ITGA3: variants seen among roughly 807,000 people sequenced by gnomAD.
The protein encoded by ITGA3 is integrin alpha-3.
A neutral mutation model predicts 131.1 loss-of-function variants in ITGA3; 70 were observed. The observed-to-expected ratio is 0.53, with a 90% CI of 0.44 to 0.65. ITGA3 has a LOEUF of 0.65. Among genes scored for constraint, ITGA3 ranks in the 30% least tolerant of loss-of-function variants. ITGA3 has a pLI of 0.00. For synonymous variants in ITGA3, 537 were observed against 571.6 expected, an observed-to-expected ratio of 0.94 and a Z score of 0.86; for missense variants, 1,098 against 1,388.6, an observed-to-expected ratio of 0.79 and a Z score of 3.33.
rs562971995 is a variant in ITGA3 at position 50,073,632 on chromosome 17, A to G, written c.1157-284A>G. On this transcript the variant is annotated intron_variant, in intron 7 of 25. Coordinates refer to ENST00000320031, the MANE Select transcript of ITGA3 (RefSeq NM_002204.4). The stretch of plus-strand genomic sequence containing the variant: ...CACACACACACACACACACACACAC[A>G]CGCACACACGCACACACACTGAATG... Among the ~76,000 whole-genome samples the G allele has an allele frequency of 2.4e-3, 359 of 147,934 alleles. 2 individuals are homozygous for G. The highest frequency in any genetic ancestry group is 0.012 in the South Asian group (55 of 4,614).
At chr17:50,079,012 G>C (rs1418145419) in intron 19 of ITGA3, 64 bp from the exon 20 acceptor site, 1 of 1,540,708 alleles carries the variant, frequency 6.5e-7, no homozygotes, top group East Asian at 2.2e-5. Flanking sequence ...GGGAGGGTTG[G>C]GGGTTGGTAA....
At chr17:50,071,009 G>A (rs1908601242) in intron 5 of ITGA3, 79 bp downstream of exon 5, 2 of 947,266 alleles carry the variant, frequency 2.1e-6, no homozygotes, top group Non-Finnish European at 3.5e-6. Flanking sequence ...AGGCCAGAGT[G>A]CAGTTGTGAC....
Position 50,064,024 on chromosome 17 carries a change from C to T in ITGA3, c.207-53C>T, listed in dbSNP as rs535965227. 1 of 1,596,682 alleles carries T rather than the reference C, an allele frequency of 6.3e-7. No individual in the cohort carries two copies. Among genetic ancestry groups the T allele is most frequent in the Non-Finnish European group, 8.5e-7 (1 of 1,171,702 alleles). On this transcript the variant is annotated intron_variant, in intron 1 of 25. Coordinates refer to ENST00000320031, the MANE Select transcript of ITGA3 (RefSeq NM_002204.4). The surrounding 1 kb of genome is among the most constrained non-coding windows in gnomAD (Gnocchi z 4.4). ...ATGTTGAATAAATAACAAGTTGTTC[C>T]AAGTGGGGCTTGGGGAGTCTGAACC...
At chr17:50,074,030 CTG>C in intron 8 of ITGA3, 26 bp downstream of exon 8, 1 of 1,577,008 alleles carries the variant, frequency 6.3e-7, no homozygotes, top group Non-Finnish European at 8.7e-7. Context: ...GATGGGTCTG[CTG>C]CCCCCACCAG....
chr17:50,060,336 C>T lies in ITGA3; in HGVS notation c.206+3691C>T, dbSNP rs550372782. Among the ~76,000 whole-genome samples, 2 of 152,350 alleles carry T rather than the reference C, an allele frequency of 1.3e-5. 1 individual carries two copies. Among genetic ancestry groups the T allele is most frequent in the South Asian group, 4.1e-4 (2 of 4,834 alleles). On this transcript the variant is annotated intron_variant, in intron 1 of 25. Transcript: ENST00000320031. Reference sequence around the variant, plus strand: ...CTGGGAAGGTGAATCTTACAGGCTGCTTCTCTGAGCATTACCCCACCCCAG... The same window carrying T: ...CTGGGAAGGTGAATCTTACAGGCTGTTTCTCTGAGCATTACCCCACCCCAG...
At chr17:50,075,405 G>A in intron 10 of ITGA3, 54 bp from the exon 11 acceptor site, 3 of 1,574,812 alleles carry the variant, frequency 1.9e-6, no homozygotes, top group South Asian at 2.2e-5. Flanking sequence ...GAGAGCTAGG[G>A]CCTGGACGTG....
chr17:50,069,442 G>T (rs1434851776), intron 4 of ITGA3, among the ~76,000 whole-genome samples: 3 of 152,132 alleles, frequency 2.0e-5, no homozygotes, highest in Non-Finnish European at 4.4e-5. Flanking sequence ...GAGGTGGGAG[G>T]ATCACTTGAG....
At position 50,070,857 on chromosome 17, in the gene ITGA3, G is replaced by C. The variant is rs1314270953; in HGVS notation, c.678G>C (p.Met226Ile). The C allele has an allele frequency of 6.2e-7, 1 of 1,611,314 alleles. No homozygotes were observed. Among genetic ancestry groups the C allele is most frequent in the African/African-American group, 1.3e-5 (1 of 74,834 alleles). Reference sequence around the variant, plus strand: ...ATCCCTGTGAAGGAAACAGCTACATGATTCAGCGCAAGGAGTGGGACTTAT... The same window carrying C: ...ATCCCTGTGAAGGAAACAGCTACATCATTCAGCGCAAGGAGTGGGACTTAT... ...GAYNWKGNSY[M>I]IQRKEWDLSE... is the part of the protein sequence containing the mutation. The change falls in exon 5 of 26, where the codon ATG becomes ATC. Residue 226 changes from methionine to isoleucine, a missense_variant. Physicochemically the swap from Met to Ile is conservative, Grantham distance 10. This residue lies in a region of ITGA3 where 356 missense variants were observed against 529.2 expected (regional missense o/e 0.67). Transcript: ENST00000320031.
Position 50,069,127 on chromosome 17 carries a change from C to T in ITGA3, c.664+822C>T, listed in dbSNP as rs1408256027. On this transcript the variant is annotated intron_variant, in intron 4 of 25. Transcript: ENST00000320031. ...TCTCCCAAAGTACTGGGATTACAGG[C>T]GTGAGCCACCGCGCCCAGCCTAATC... 6.6e-5 allele frequency among the ~76,000 whole-genome samples: 10 copies of T among 151,942 alleles called. No homozygotes were observed. The South Asian group carries it at 8.3e-4, about 13-fold the overall frequency.
rs573906112 is a variant in ITGA3, at chr17:50,079,500, G to C, written c.2649G>C (p.Gln883His). ...RRRQLDPGGG[Q>H]GPPPVTLAAA... ...GACAGCTGGATCCAGGGGGAGGCCAGGGCCCCCCACCTGTCACTCTGGCTG... is the reference window on the plus strand; with the variant it reads ...GACAGCTGGATCCAGGGGGAGGCCACGGCCCCCCACCTGTCACTCTGGCTG... Residue 883 changes from glutamine (Q) to histidine (H), a missense_variant, in exon 21 of 26, where the codon CAG (glutamine) becomes CAC (histidine). Transcript: ENST00000320031. 2 of 1,580,262 alleles carry C rather than the reference G, an allele frequency of 1.3e-6. No individual in the cohort carries two copies. The highest frequency in any genetic ancestry group is 4.5e-5 in the East Asian group (2 of 44,518).
chr17:50,083,762 T>G (rs1225755106), intron 23 of ITGA3, among the ~76,000 whole-genome samples: 2 of 150,256 alleles, frequency 1.3e-5, no homozygotes, highest in Non-Finnish European at 3.0e-5. Context: ...GCAAATGATA[T>G]ACTGCTTTTT....
intron 3 of ITGA3, among the ~76,000 whole-genome samples, chr17:50,066,762 C>T (rs1002720890): frequency 6.6e-6 from 1 of 152,048 alleles, no homozygotes; most frequent in African/African-American, 2.4e-5. Context: ...GTGACAGAGT[C>T]AGATCCTGTC....
Position 50,079,246 on chromosome 17 carries a change from C to T in ITGA3, c.2571C>T (p.Asn857=), listed in dbSNP as rs764886540. 16 of 1,613,968 alleles carry T rather than the reference C, an allele frequency of 9.9e-6. No homozygotes were observed. In the South Asian group the frequency reaches 1.8e-4, roughly 18 times the overall value. The change falls in exon 20 of 26, where the codon AAC becomes AAT. Residue 857 remains asparagine, a synonymous_variant. Transcript: ENST00000320031. ...CTGGAGACCTTATCAACCCTCTCAA[C>T]CTCACTCTTTCTGTAAGGACACTAT... ...RPPGDLINPL[N]LTLSDPGDRP...
In ITGA3 at chr17:50,075,533, G is replaced by A. The variant is rs774733559; in HGVS notation, c.1537+7G>A. The stretch of plus-strand genomic sequence containing the variant: ...AACTACAGGCGAAACATCAGTGAGT[G>A]CTGGGGTGCAGCGTAAAAGGGGTAC... On this transcript the variant is annotated splice_region_variant and intron_variant, in intron 11 of 25. Coordinates refer to ENST00000320031, the MANE Select transcript of ITGA3 (RefSeq NM_002204.4). 6.2e-7 allele frequency: 1 copy of A among 1,614,242 alleles called. No homozygotes were observed. Among genetic ancestry groups the A allele is most frequent in the South Asian group, 1.1e-5 (1 of 91,090 alleles).
intron 21 of ITGA3, 140 bp downstream of exon 21, chr17:50,079,697 C>A: frequency 1.1e-6 from 1 of 939,454 alleles, no homozygotes; most frequent in Non-Finnish European, 1.4e-6. Flanking sequence ...CCAGACAGAG[C>A]AGGGAGCCTC....
intron 23 of ITGA3, among the ~76,000 whole-genome samples, chr17:50,084,914 TAAAAA>T (rs1021624332): frequency 1.3e-5 from 2 of 151,390 alleles, no homozygotes; most frequent in Non-Finnish European, 2.9e-5. Flanking sequence ...GACCCTGTCT[TAAAAA>T]GAAAAGAAAG....
chr17:50,066,985 C>G (rs1256002509), intron 3 of ITGA3, among the ~76,000 whole-genome samples: 1 of 152,180 alleles, frequency 6.6e-6, no homozygotes, highest in Non-Finnish European at 1.5e-5. Context: ...GTTTTAAGCT[C>G]CAGGTTGGCA....
In ITGA3 at chr17:50,060,544, C is replaced by T. The variant is rs1908028157; in HGVS notation, c.207-3533C>T. Among the ~76,000 whole-genome samples the T allele has an allele frequency of 3.3e-5, 5 of 152,264 alleles. No individual in the cohort carries two copies. In the South Asian group the frequency reaches 1.0e-3, roughly 32 times the overall value. ...AAGGGCTTTTTCGGAACTTGGAGCT[C>T]AAGGGGCTCCGCAGAGGCCAAGAGG... is the stretch of plus-strand genomic sequence containing the variant. On this transcript the variant is annotated intron_variant, in intron 1 of 25. Transcript: ENST00000320031.
rs1909551130 is a variant in ITGA3 at position 50,088,216 on chromosome 17, C to G, written c.3046-9C>G. ...CTGATGGCCCGTCCCCACCTCCTCC[C>G]CTCCGCAGTGCGGCTTCTTCAAGCG... On this transcript the variant is annotated splice_polypyrimidine_tract_variant and intron_variant, in intron 24 of 25. Coordinates refer to ENST00000320031, the MANE Select transcript of ITGA3 (RefSeq NM_002204.4). 1 of 1,553,944 alleles carries G rather than the reference C, an allele frequency of 6.4e-7. No individual in the cohort carries two copies. The highest frequency in any genetic ancestry group is 8.7e-7 in the Non-Finnish European group (1 of 1,148,434).
Sources: allele counts gnomAD v4.1 joint callset (sites outside exome capture counted in the v4.1 genomes callset), GRCh38; gene constraint gnomAD v4.1.1; regional missense constraint gnomAD v4.1.1; non-coding constraint Gnocchi (gnomAD v3.1); transcripts MANE v1.5; gene names NCBI Gene and HGNC (gene_info 2026-07-23, HGNC 2026-07-21).